GRM3: variants seen among roughly 807,000 people sequenced by gnomAD.
GRM3 encodes the protein glutamate metabotropic receptor 3, also known as metabotropic glutamate receptor 3.
A neutral mutation model predicts 70.5 loss-of-function variants in GRM3; 26 were observed. The observed-to-expected ratio is 0.37, with a 90% CI of 0.27 to 0.51. The LOEUF (loss-of-function observed/expected upper bound fraction) is 0.51. GRM3 is among the 20% of genes least tolerant of loss of function. GRM3 has a pLI of 0.93. For synonymous variants in GRM3, 443 were observed against 434.9 expected (o/e 1.02, Z -0.23); for missense variants, 859 against 1,123.8 (o/e 0.76, Z 3.37).
At chr7:86,741,348 T>C (rs548661872) in intron 1 of GRM3, among the ~76,000 whole-genome samples, 2 of 152,268 alleles carry the variant, frequency 1.3e-5, no homozygotes, top group East Asian at 3.9e-4. Flanking sequence ...CACTTTCACT[T>C]AGCAATCTCC....
At chr7:86,705,079 A>C (rs1413373948) in intron 1 of GRM3, among the ~76,000 whole-genome samples, 1 of 151,976 alleles carries the variant, frequency 6.6e-6, no homozygotes, top group Non-Finnish European at 1.5e-5. Context: ...AGTTTTAATA[A>C]GGGAACTTAT....
At chr7:86,827,713 T>C (rs931467887) in intron 3 of GRM3, among the ~76,000 whole-genome samples, 4 of 152,078 alleles carry the variant, frequency 2.6e-5, no homozygotes, top group African/African-American at 9.7e-5. Context: ...GAAGTTTCAC[T>C]ATGTTGGCCA....
chr7:86,832,641 C>G (rs527605394), intron 3 of GRM3, among the ~76,000 whole-genome samples: 99 of 152,194 alleles, frequency 6.5e-4, no homozygotes, highest in African/African-American at 2.1e-3. Context: ...GGCCTAAGAG[C>G]CACACTATTC....
chr7:86,730,878 G>A (rs554944522), intron 1 of GRM3, among the ~76,000 whole-genome samples: 1 of 152,232 alleles, frequency 6.6e-6, no homozygotes, highest in East Asian at 1.9e-4. Flanking sequence ...CATTTTCACG[G>A]AATCTGCTAA....
chr7:86,692,559 C>G (rs1409148957), intron 1 of GRM3, among the ~76,000 whole-genome samples: 1 of 152,212 alleles, frequency 6.6e-6, no homozygotes, highest in Non-Finnish European at 1.5e-5. Context: ...CCACATCTCT[C>G]TCTCTCATCA....
At chr7:86,723,070 C>T (rs1289656428) in intron 1 of GRM3, among the ~76,000 whole-genome samples, 1 of 151,836 alleles carries the variant, frequency 6.6e-6, no homozygotes, top group African/African-American at 2.4e-5. Flanking sequence ...TGATTTTGTG[C>T]CTGGTAAAAT....
chr7:86,689,121 G>A (rs1794637332), intron 1 of GRM3, among the ~76,000 whole-genome samples: 1 of 151,306 alleles, frequency 6.6e-6, no homozygotes, highest in Non-Finnish European at 1.5e-5. Flanking sequence ...ATTAAATGAT[G>A]TTTTGCAAGT....
intron 2 of GRM3, among the ~76,000 whole-genome samples, chr7:86,785,086 A>T (rs1351026743): frequency 6.6e-6 from 1 of 152,252 alleles, no homozygotes; most frequent in Admixed American, 6.5e-5. Context: ...ACGTGAAACC[A>T]CAATTTCCAA....
chr7:86,715,335 A>G (rs1795290039), intron 1 of GRM3, among the ~76,000 whole-genome samples: 2 of 152,010 alleles, frequency 1.3e-5, no homozygotes, highest in Non-Finnish European at 2.9e-5. Flanking sequence ...TTAACATAAG[A>G]CATATTTGGG....
chr7:86,758,880 C>T (rs557258394), intron 1 of GRM3, among the ~76,000 whole-genome samples: 77 of 152,136 alleles, frequency 5.1e-4, no homozygotes, highest in African/African-American at 1.8e-3. Flanking sequence ...TCCAATATGC[C>T]GACTGGCAAC....
chr7:86,713,092 A>G (rs985286033), intron 1 of GRM3, among the ~76,000 whole-genome samples: 1 of 152,068 alleles, frequency 6.6e-6, no homozygotes, highest in Non-Finnish European at 1.5e-5. Context: ...CATTCCTACC[A>G]GCAGTGTACA....
At position 86,838,891 on chromosome 7, in the gene GRM3, T is replaced by G. The variant is rs1798508546; in HGVS notation, c.1377T>G (p.Phe459Leu). ...DADSIVKFDT[F>L]GDGMGRYNVF... is the part of the protein sequence containing the mutation. ...ATAGCATAGTCAAGTTTGACACTTTTGGAGATGGAATGGGGCGATACAACG... is the reference window on the plus strand; with the variant it reads ...ATAGCATAGTCAAGTTTGACACTTTGGGAGATGGAATGGGGCGATACAACG... The change falls in exon 4 of 6, where the codon TTT becomes TTG. Residue 459 changes from phenylalanine to leucine, a missense_variant. Physicochemically the swap from Phe to Leu is conservative, Grantham distance 22. Coordinates refer to ENST00000361669, the MANE Select transcript of GRM3 (RefSeq NM_000840.3). 6.2e-7 allele frequency: 1 copy of G among 1,613,570 alleles called. No homozygotes were observed. Among genetic ancestry groups the G allele is most frequent in the Non-Finnish European group, 8.5e-7 (1 of 1,179,632 alleles).
intron 1 of GRM3, among the ~76,000 whole-genome samples, chr7:86,682,405 A>C (rs1307767195): frequency 6.6e-6 from 1 of 152,158 alleles, no homozygotes; most frequent in Non-Finnish European, 1.5e-5. Context: ...TTCCAAGTCT[A>C]TGTACCCAGT....
intron 1 of GRM3, among the ~76,000 whole-genome samples, chr7:86,691,621 G>A (rs1237786096): frequency 1.3e-5 from 2 of 152,176 alleles, no homozygotes; most frequent in African/African-American, 2.4e-5. Flanking sequence ...AGGGCCTAAT[G>A]AGAAGTGATT....
At position 86,765,612 on chromosome 7, in the gene GRM3, A is replaced by G; in HGVS notation, c.467A>G (p.Gln156Arg). 1 of 1,609,324 alleles carries G rather than the reference A, an allele frequency of 6.2e-7. No homozygotes were observed. Among genetic ancestry groups the G allele is most frequent in the Non-Finnish European group, 8.5e-7 (1 of 1,176,276 alleles). ...IGGSYSSVSI[Q>R]VANLLRLFQI... ...GGCTCTTATAGCAGTGTTTCCATAC[A>G]GGTAAGATTGGCTAATGCTATTGCT... Residue 156 changes from glutamine (Q) to arginine (R), a missense_variant and splice_region_variant, in exon 2 of 6, where the codon CAG (glutamine) becomes CGG (arginine). Coordinates refer to ENST00000361669, the MANE Select transcript of GRM3 (RefSeq NM_000840.3).
intron 2 of GRM3, among the ~76,000 whole-genome samples, chr7:86,779,184 A>C (rs1277887262): frequency 1.3e-5 from 2 of 152,220 alleles, no homozygotes; most frequent in Non-Finnish European, 2.9e-5. Flanking sequence ...TTGTGAAAAA[A>C]AATAAAGTTT....
chr7:86,723,632 G>A (rs1259236646), intron 1 of GRM3, among the ~76,000 whole-genome samples: 1 of 152,182 alleles, frequency 6.6e-6, no homozygotes, highest in Admixed American at 6.5e-5. Context: ...TGTAAGTTGT[G>A]AGACTATTCA....
chr7:86,793,228 G>T (rs563933957), intron 3 of GRM3, among the ~76,000 whole-genome samples: 16 of 152,058 alleles, frequency 1.1e-4, no homozygotes, highest in African/African-American at 3.6e-4. Flanking sequence ...GTTCACTCCT[G>T]GTTGGGACTA....
intron 1 of GRM3, among the ~76,000 whole-genome samples, chr7:86,746,039 C>T (rs2116339190): frequency 6.6e-6 from 1 of 152,026 alleles, no homozygotes; most frequent in East Asian, 1.9e-4. Context: ...TATTTTGTTT[C>T]CCCTTTTCTC....
Sources: allele counts gnomAD v4.1 joint callset (sites outside exome capture counted in the v4.1 genomes callset), GRCh38; gene constraint gnomAD v4.1.1; transcripts MANE v1.5; gene names NCBI Gene and HGNC (gene_info 2026-07-23, HGNC 2026-07-21).